Variants in RANBP17 observed in about 807,000 individuals in gnomAD.
The protein encoded by RANBP17 is ran-binding protein 17.
Under a neutral mutation model 141.2 loss-of-function variants are expected in RANBP17, and 158 were observed. The observed-to-expected ratio is 1.12, with a 90% CI of 0.98 to 1.28. The LOEUF is 1.28. Ranked by LOEUF, RANBP17 falls within the 50% of genes most tolerant of loss-of-function variation. RANBP17 has a pLI of 0.00. For synonymous variants in RANBP17, 430 were observed against 450.0 expected, an observed-to-expected ratio of 0.96 and a Z score of 0.56; for missense variants, 1,438 against 1,290.7, an observed-to-expected ratio of 1.11 and a Z score of -1.75.
Position 171,120,037 on chromosome 5 carries a change from C to CAA in RANBP17, c.1711-50074_1711-50073dup, listed in dbSNP as rs34991479. On this transcript the variant is annotated intron_variant, in intron 14 of 27. Transcript: ENST00000523189. ...GGGCAACAAGAGCGAAACTTAGTCT[C>CAA]AAAAAAAAAAAAAAAAAAAATGAGA... Among the ~76,000 whole-genome samples the CAA allele has an allele frequency of 7.9e-3, 801 of 100,864 alleles. 16 individuals are homozygous for CAA. Among genetic ancestry groups the CAA allele is most frequent in the Middle Eastern group, 0.026 (5 of 194 alleles). 66.2% of individuals were successfully genotyped at this position (100,864 alleles called of 152,430 possible). A position where few individuals can be genotyped will look rare whatever the true frequency, so the allele number is the denominator to read the frequency against.
intron 14 of RANBP17, among the ~76,000 whole-genome samples, chr5:171,036,113 GC>G (rs576712820): frequency 1.7e-3 from 257 of 152,248 alleles, no homozygotes; most frequent in African/African-American, 6.0e-3. Context: ...TATTGGCCAA[GC>G]TGGTGTCGAA....
chr5:171,256,347 T>C (rs113534250), intron 24 of RANBP17, among the ~76,000 whole-genome samples: 239 of 152,334 alleles, frequency 1.6e-3, no homozygotes, highest in Non-Finnish European at 2.2e-3. Context: ...CTGTAAAGCA[T>C]TTAAGGTTCT....
chr5:170,921,722 A>T (rs768049181), intron 11 of RANBP17, among the ~76,000 whole-genome samples: 10 of 152,160 alleles, frequency 6.6e-5, no homozygotes, highest in Non-Finnish European at 1.2e-4. Flanking sequence ...ATCCATGAGC[A>T]TGGAATGTTT....
chr5:171,141,787 A>G (rs1757720962), intron 14 of RANBP17, among the ~76,000 whole-genome samples: 1 of 152,166 alleles, frequency 6.6e-6, no homozygotes, highest in South Asian at 2.1e-4. Flanking sequence ...TAAGTCACTC[A>G]ATTTTTTTAT....
intron 3 of RANBP17, among the ~76,000 whole-genome samples, chr5:170,891,903 A>G (rs1042321716): frequency 5.9e-5 from 9 of 152,234 alleles, no homozygotes; most frequent in African/African-American, 2.2e-4. Context: ...ATGCAGAAAC[A>G]AAAGTGACAT....
At chr5:171,148,658 A>G (rs1244328912) in intron 14 of RANBP17, among the ~76,000 whole-genome samples, 1 of 152,004 alleles carries the variant, frequency 6.6e-6, no homozygotes, top group African/African-American at 2.4e-5. Context: ...ATATAAAGTA[A>G]TTGGTTAAGA....
chr5:170,880,328 T>G (rs1356371363), intron 2 of RANBP17, among the ~76,000 whole-genome samples: 1 of 152,222 alleles, frequency 6.6e-6, no homozygotes, highest in Non-Finnish European at 1.5e-5. Context: ...TTGTCTTGTT[T>G]TCAAATTGAC....
chr5:170,879,650 A>C (rs1444229730), intron 2 of RANBP17, among the ~76,000 whole-genome samples: 1 of 152,174 alleles, frequency 6.6e-6, no homozygotes, highest in African/African-American at 2.4e-5. Context: ...ATTTTGCAAC[A>C]AAAAGTAAGT....
chr5:170,913,246 C>T, intron 7 of RANBP17, among the ~76,000 whole-genome samples: 1 of 151,960 alleles, frequency 6.6e-6, no homozygotes, highest in Non-Finnish European at 1.5e-5. Flanking sequence ...GAAATGGGCA[C>T]TTCAACACAA....
At chr5:171,120,909 A>G (rs1755986943) in intron 14 of RANBP17, among the ~76,000 whole-genome samples, 1 of 152,230 alleles carries the variant, frequency 6.6e-6, no homozygotes, top group South Asian at 2.1e-4. Flanking sequence ...TGATAGACAA[A>G]GATTTATTCA....
At chr5:170,953,914 A>T (rs536550355) in intron 13 of RANBP17, among the ~76,000 whole-genome samples, 255 of 152,310 alleles carry the variant, frequency 1.7e-3, no homozygotes, top group African/African-American at 5.7e-3. Flanking sequence ...TATTTTGTAC[A>T]TGTTTGTGCA....
chr5:170,903,697 C>A, intron 5 of RANBP17: 2 of 308,238 alleles, frequency 6.5e-6, no homozygotes, highest in South Asian at 8.0e-5. Context: ...CATTGACAGT[C>A]TTTATTTGAC....
intron 18 of RANBP17, among the ~76,000 whole-genome samples, chr5:171,190,807 T>G (rs1380249780): frequency 6.6e-6 from 1 of 152,258 alleles, no homozygotes; most frequent in Non-Finnish European, 1.5e-5. Flanking sequence ...AACAACGCTT[T>G]TCATTTGGTG....
chr5:170,883,921 TG>T (rs1317239418), intron 3 of RANBP17, among the ~76,000 whole-genome samples: 10 of 152,336 alleles, frequency 6.6e-5, no homozygotes, highest in African/African-American at 2.4e-4. Flanking sequence ...CATACATATG[TG>T]GGTTTTTGTG....
chr5:171,191,079 A>G (rs1234202988), intron 18 of RANBP17, among the ~76,000 whole-genome samples: 1 of 152,218 alleles, frequency 6.6e-6, no homozygotes, highest in African/African-American at 2.4e-5. Flanking sequence ...AGATAGTTCT[A>G]TCTTTAGGGG....
At chr5:170,906,037 A>G (rs1255767504) in intron 5 of RANBP17, among the ~76,000 whole-genome samples, 2 of 152,174 alleles carry the variant, frequency 1.3e-5, no homozygotes, top group East Asian at 1.9e-4. Flanking sequence ...AACTGACGCT[A>G]AGTTGCTAAC....
At chr5:171,083,819 T>A (rs1319400495) in intron 14 of RANBP17, among the ~76,000 whole-genome samples, 1 of 152,114 alleles carries the variant, frequency 6.6e-6, no homozygotes, top group Non-Finnish European at 1.5e-5. Flanking sequence ...GGGAGTTTCC[T>A]TACATAAGCT....
chr5:171,083,003 A>C (rs973447181), intron 14 of RANBP17, among the ~76,000 whole-genome samples: 4 of 152,206 alleles, frequency 2.6e-5, no homozygotes, highest in African/African-American at 7.2e-5. Context: ...GCTCCCCAAC[A>C]GGGATTATAA....
intron 14 of RANBP17, among the ~76,000 whole-genome samples, chr5:171,151,166 A>G (rs1161037062): frequency 2.0e-5 from 3 of 152,224 alleles, no homozygotes; most frequent in Non-Finnish European, 4.4e-5. Context: ...TAGACCTTAA[A>G]GATGCTATAA....
Sources: allele counts gnomAD v4.1 joint callset (sites outside exome capture counted in the v4.1 genomes callset), GRCh38; gene constraint gnomAD v4.1.1; transcripts MANE v1.5; gene names NCBI Gene and HGNC (gene_info 2026-07-23, HGNC 2026-07-21).